The following LRRC4C variants were observed in gnomAD, a reference collection of about 807,000 sequenced individuals.
The protein encoded by LRRC4C is leucine-rich repeat-containing protein 4C.
In LRRC4C, 5 loss-of-function variants were observed where a neutral mutation model predicts 33.6. That is an observed-to-expected ratio of 0.15 (90% CI 0.08 to 0.31). LRRC4C has a LOEUF of 0.31. Among genes scored for constraint, LRRC4C ranks in the 10% least tolerant of loss-of-function variants. The pLI is 1.00. For missense variants in LRRC4C, 560 were observed against 796.7 expected, an observed-to-expected ratio of 0.70 and a Z score of 3.58; for synonymous variants, 329 against 302.0, an observed-to-expected ratio of 1.09 and a Z score of -0.93.
At chr11:41,062,045 A>G (rs541342152) in intron 1 of LRRC4C, among the ~76,000 whole-genome samples, 1 of 152,340 alleles carries the variant, frequency 6.6e-6, no homozygotes, top group South Asian at 2.1e-4. Context: ...TACTTAGAAC[A>G]TATGCTGGCA....
chr11:41,040,037 C>T (rs973157828), intron 1 of LRRC4C, among the ~76,000 whole-genome samples: 2 of 150,058 alleles, frequency 1.3e-5, no homozygotes, highest in African/African-American at 4.9e-5. Flanking sequence ...ACTCGGGAGG[C>T]TGAGGCAGGA....
chr11:41,134,649 C>A (rs1034964935), intron 1 of LRRC4C, among the ~76,000 whole-genome samples: 17 of 150,402 alleles, frequency 1.1e-4, no homozygotes, highest in African/African-American at 4.0e-4. Context: ...TATGCTCCTA[C>A]CCAAACCTCT....
chr11:40,941,831 T>C (rs1461616816), intron 1 of LRRC4C, among the ~76,000 whole-genome samples: 1 of 152,124 alleles, frequency 6.6e-6, no homozygotes, highest in Non-Finnish European at 1.5e-5. Context: ...GGGTTTATAA[T>C]TTAATTTAGA....
At chr11:40,903,357 C>T (rs1051901610) in intron 2 of LRRC4C, among the ~76,000 whole-genome samples, 5 of 152,186 alleles carry the variant, frequency 3.3e-5, no homozygotes, top group Non-Finnish European at 7.3e-5. Flanking sequence ...TGCTCCTATT[C>T]ACCCAGCAGC....
intron 1 of LRRC4C, among the ~76,000 whole-genome samples, chr11:41,149,508 TC>T (rs1943892556): frequency 1.2e-5 from 1 of 85,968 alleles, no homozygotes; most frequent in Non-Finnish European, 2.1e-5. Context: ...AGACTCCGTC[TC>T]CAAAAAAAAA....
intron 2 of LRRC4C, among the ~76,000 whole-genome samples, chr11:40,867,505 A>AT (rs1242631883): frequency 6.6e-6 from 1 of 152,194 alleles, no homozygotes; most frequent in Non-Finnish European, 1.5e-5. Context: ...TTCACATTCC[A>AT]TTTTTTGTAT....
intron 1 of LRRC4C, among the ~76,000 whole-genome samples, chr11:41,088,607 C>A (rs1342147488): frequency 1.3e-5 from 2 of 152,014 alleles, no homozygotes; most frequent in East Asian, 3.9e-4. Flanking sequence ...ATTCAAGAAC[C>A]ATACTCTACT....
chr11:41,417,190 T>C (rs1954714159), intron 1 of LRRC4C, among the ~76,000 whole-genome samples: 3 of 152,062 alleles, frequency 2.0e-5, no homozygotes, highest in African/African-American at 4.8e-5. Flanking sequence ...ACAGGATATA[T>C]ACTCAGTGAC....
chr11:40,370,252 C>A (rs1590483788), intron 3 of LRRC4C, among the ~76,000 whole-genome samples: 1 of 152,084 alleles, frequency 6.6e-6, no homozygotes, highest in African/African-American at 2.4e-5. Context: ...GCTGGGACTT[C>A]ACACACAGAA....
chr11:41,034,972 TTA>T (rs1310107575), intron 1 of LRRC4C, among the ~76,000 whole-genome samples: 1 of 150,606 alleles, frequency 6.6e-6, no homozygotes, highest in African/African-American at 2.4e-5. Context: ...TTTTTTGTTG[TTA>T]TGTTATTTTG....
At chr11:41,005,900 T>C (rs1854716967) in intron 1 of LRRC4C, among the ~76,000 whole-genome samples, 1 of 152,122 alleles carries the variant, frequency 6.6e-6, no homozygotes, top group Non-Finnish European at 1.5e-5. Context: ...TTCTTAATAA[T>C]GTTTCCTGGT....
At chr11:41,421,297 T>G (rs542076472) in intron 1 of LRRC4C, among the ~76,000 whole-genome samples, 49 of 152,168 alleles carry the variant, frequency 3.2e-4, no homozygotes, top group Middle Eastern at 3.4e-3. Context: ...ACAGCTGTAC[T>G]ACTTACCCCT....
intron 3 of LRRC4C, among the ~76,000 whole-genome samples, chr11:40,604,996 T>C (rs1355470657): frequency 6.6e-6 from 1 of 152,140 alleles, no homozygotes; most frequent in Non-Finnish European, 1.5e-5. Flanking sequence ...ATCCTTTCTA[T>C]TGTATGATTA....
intron 1 of LRRC4C, among the ~76,000 whole-genome samples, chr11:41,056,815 G>A (rs1442516347): frequency 6.6e-6 from 1 of 152,232 alleles, no homozygotes; most frequent in East Asian, 1.9e-4. Flanking sequence ...GCTGGTAATG[G>A]CAGTGATGGG....
intron 2 of LRRC4C, among the ~76,000 whole-genome samples, chr11:40,696,031 GTATATA>G: frequency 7.2e-6 from 1 of 139,304 alleles, no homozygotes; most frequent in Non-Finnish European, 1.5e-5. Flanking sequence ...GTGTGTGTGT[GTATATA>G]TATATGTGTG....
intron 3 of LRRC4C, among the ~76,000 whole-genome samples, chr11:40,586,082 TC>T (rs1281288616): frequency 1.4e-5 from 2 of 142,528 alleles, no homozygotes; most frequent in Non-Finnish European, 3.1e-5. Flanking sequence ...TAGTTTACAG[TC>T]CCACCAACAG....
intron 3 of LRRC4C, among the ~76,000 whole-genome samples, chr11:40,420,739 T>A (rs1055516352): frequency 6.6e-6 from 1 of 152,202 alleles, no homozygotes; most frequent in African/African-American, 2.4e-5. Flanking sequence ...GCTTGCCAGC[T>A]CATGAGTGTT....
intron 1 of LRRC4C, among the ~76,000 whole-genome samples, chr11:41,358,079 A>G (rs1952224592): frequency 6.6e-6 from 1 of 152,176 alleles, no homozygotes; most frequent in Admixed American, 6.5e-5. Context: ...AATAGAATAG[A>G]GAGCTCAGAA....
intron 3 of LRRC4C, among the ~76,000 whole-genome samples, chr11:40,535,567 T>G (rs142758119): frequency 2.0e-5 from 3 of 152,234 alleles, no homozygotes; most frequent in African/African-American, 7.2e-5. Context: ...CTCCATAAGA[T>G]GCCAACAAAG....
Sources: allele counts gnomAD v4.1 joint callset (sites outside exome capture counted in the v4.1 genomes callset), GRCh38; gene constraint gnomAD v4.1.1; transcripts MANE v1.5; gene names NCBI Gene and HGNC (gene_info 2026-07-23, HGNC 2026-07-21).